Variants in RHOBTB1 observed in about 807,000 individuals in gnomAD.
RHOBTB1 encodes the protein rho-related BTB domain-containing protein 1.
A neutral mutation model predicts 71.6 loss-of-function variants in RHOBTB1; 40 were observed. The ratio of observed to expected loss-of-function variants is 0.56; its 90% CI spans 0.43 to 0.73. The LOEUF is 0.73. Ranked by LOEUF, RHOBTB1 falls within the 30% of genes least tolerant of loss-of-function variation. RHOBTB1 has a pLI of 0.00. For missense variants in RHOBTB1, 797 were observed against 894.0 expected (o/e 0.89, Z 1.38); for synonymous variants, 319 against 334.9 (o/e 0.95, Z 0.52).
At chr10:60,942,924 G>C (rs1287375658) in intron 1 of RHOBTB1, among the ~76,000 whole-genome samples, 1 of 151,820 alleles carries the variant, frequency 6.6e-6, no homozygotes, top group East Asian at 1.9e-4. Context: ...GGTTGGGGGT[G>C]GGGGAGCCCC....
At chr10:60,937,237 G>A (rs1202075181) in intron 2 of RHOBTB1, among the ~76,000 whole-genome samples, 3 of 152,178 alleles carry the variant, frequency 2.0e-5, no homozygotes, top group Non-Finnish European at 2.9e-5. Flanking sequence ...ACTTCCCAGT[G>A]ATGTAATTTA....
intron 2 of RHOBTB1, among the ~76,000 whole-genome samples, chr10:60,927,299 C>G (rs1460544020): frequency 6.6e-6 from 1 of 152,170 alleles, no homozygotes; most frequent in South Asian, 2.1e-4. Context: ...ACAGATTCAA[C>G]TGACTCAAGT....
chr10:60,880,082 C>A (rs2081247128), intron 7 of RHOBTB1, among the ~76,000 whole-genome samples: 1 of 151,774 alleles, frequency 6.6e-6, no homozygotes, highest in South Asian at 2.1e-4. Context: ...AAATACGATG[C>A]CATTTTATAT....
At chr10:60,954,581 A>G (rs1008664347) in intron 2 of RHOBTB1, among the ~76,000 whole-genome samples, 1 of 152,204 alleles carries the variant, frequency 6.6e-6, no homozygotes, top group African/African-American at 2.4e-5. Flanking sequence ...ACATACCTGT[A>G]CCAAGAGATT....
In RHOBTB1 at chr10:60,951,397, C is replaced by A. The variant is rs112274177; in HGVS notation, c.-61-9543G>T. 4.0e-3 allele frequency among the ~76,000 whole-genome samples: 614 copies of A among 152,304 alleles called. 3 individuals carry two copies. The highest frequency in any genetic ancestry group is 0.014 in the African/African-American group (569 of 41,572). On this transcript the variant is annotated intron_variant, in intron 2 of 11. Coordinates refer to the RHOBTB1 transcript ENST00000357917. The stretch of plus-strand genomic sequence containing the variant: ...GCGCCTGACTCAATAATATCCTTCT[C>A]TCTGCACACAATTTCAGAGTATCCT...
intron 2 of RHOBTB1, among the ~76,000 whole-genome samples, chr10:60,971,037 G>C (rs2086137608): frequency 6.6e-6 from 1 of 151,790 alleles, no homozygotes; most frequent in Admixed American, 6.6e-5. Context: ...ATTAGCTCAG[G>C]GTAGCTAGTT....
At chr10:60,977,927 A>G (rs1239078557) in intron 2 of RHOBTB1, among the ~76,000 whole-genome samples, 1 of 152,054 alleles carries the variant, frequency 6.6e-6, no homozygotes, top group African/African-American at 2.4e-5. Context: ...TAAATTAATC[A>G]TTTACCCGTT....
chr10:60,914,321 G>T (rs995640378), intron 2 of RHOBTB1, among the ~76,000 whole-genome samples: 1 of 152,022 alleles, frequency 6.6e-6, no homozygotes, highest in African/African-American at 2.4e-5. Context: ...AACCCTCTTC[G>T]ACAAGTTTCT....
At position 60,888,538 on chromosome 10, in the gene RHOBTB1, C is replaced by A; in HGVS notation, c.1130G>T (p.Gly377Val). 1 of 1,614,180 alleles carries A rather than the reference C, an allele frequency of 6.2e-7. No homozygotes were observed. The highest frequency in any genetic ancestry group is 8.5e-7 in the Non-Finnish European group (1 of 1,180,030). The change falls in exon 6 of 11, where the codon GGG (glycine) becomes GTG (valine). Residue 377 changes from glycine to valine, a missense_variant. Physicochemically the swap from Gly to Val is moderately radical, Grantham distance 109. Around this residue, in one of 2 missense-constraint regions of RHOBTB1, gnomAD observed 658 missense variants for 681.5 expected, o/e 0.97. Coordinates refer to ENST00000337910, the MANE Select transcript of RHOBTB1 (RefSeq NM_014836.5). ...CATTTCCCTGTGCATGCCAATGAAC[C>A]CCTTACTCCATCCGGTCAAAGTCTG... ...ETQTLTGWSKGFIGMHREMQV... is the reference protein window; with the variant it reads ...ETQTLTGWSKVFIGMHREMQV...
intron 2 of RHOBTB1, among the ~76,000 whole-genome samples, chr10:60,940,456 G>A (rs932977655): frequency 1.3e-5 from 2 of 152,168 alleles, no homozygotes. Context: ...CAGGACTTTG[G>A]TTAGGATTTA....
At chr10:60,969,108 C>T (rs1383443420) in intron 2 of RHOBTB1, among the ~76,000 whole-genome samples, 7 of 152,086 alleles carry the variant, frequency 4.6e-5, no homozygotes, top group Admixed American at 3.3e-4. Flanking sequence ...ATACAGTCTA[C>T]ATTCCAAATG....
chr10:60,912,702 G>C (rs1214284230), intron 2 of RHOBTB1: 1 of 152,184 alleles, frequency 6.6e-6, no homozygotes, highest in Non-Finnish European at 1.5e-5. Flanking sequence ...CTGCTGATGA[G>C]AGGCCAAGAG....
At chr10:60,929,468 A>C (rs547895636) in intron 2 of RHOBTB1, among the ~76,000 whole-genome samples, 19 of 152,320 alleles carry the variant, frequency 1.2e-4, no homozygotes, top group Admixed American at 3.3e-4. Flanking sequence ...GAAACTGCTC[A>C]AAGATACTAG....
chr10:60,923,910 C>T (rs1473814775), intron 2 of RHOBTB1, among the ~76,000 whole-genome samples: 1 of 152,128 alleles, frequency 6.6e-6, no homozygotes, highest in African/African-American at 2.4e-5. Context: ...CTCATTTTCT[C>T]TATAAATTAC....
chr10:60,891,282 A>G (rs987268933), intron 5 of RHOBTB1, among the ~76,000 whole-genome samples: 1 of 151,308 alleles, frequency 6.6e-6, no homozygotes, highest in Non-Finnish European at 1.5e-5. Flanking sequence ...TTTTGTAATA[A>G]GCCTATTAGG....
intron 1 of RHOBTB1, among the ~76,000 whole-genome samples, chr10:60,998,967 T>C (rs1431470175): frequency 6.6e-6 from 1 of 152,236 alleles, no homozygotes; most frequent in African/African-American, 2.4e-5. Flanking sequence ...GCCTCAGTTT[T>C]CTTTTCTGTG....
intron 2 of RHOBTB1, among the ~76,000 whole-genome samples, chr10:60,951,076 C>CAT (rs2085393349): frequency 6.6e-6 from 1 of 152,162 alleles, no homozygotes; most frequent in Non-Finnish European, 1.5e-5. Context: ...CCCCTATGTT[C>CAT]ATATCACATT....
At chr10:60,901,442 G>T (rs1055494994) in intron 4 of RHOBTB1, among the ~76,000 whole-genome samples, 3 of 152,180 alleles carry the variant, frequency 2.0e-5, no homozygotes, top group Non-Finnish European at 4.4e-5. Flanking sequence ...TATCTTGTAT[G>T]TTGACTTTAA....
At chr10:60,997,894 T>C (rs189369281) in intron 1 of RHOBTB1, among the ~76,000 whole-genome samples, 2 of 152,234 alleles carry the variant, frequency 1.3e-5, no homozygotes, top group African/African-American at 4.8e-5. Flanking sequence ...TGGTCCTCAC[T>C]ATTTTTGATC....
Sources: allele counts gnomAD v4.1 joint callset (sites outside exome capture counted in the v4.1 genomes callset), GRCh38; gene constraint gnomAD v4.1.1; regional missense constraint gnomAD v4.1.1; transcripts MANE v1.5; gene names NCBI Gene and HGNC (gene_info 2026-07-23, HGNC 2026-07-21).